Variants in KCND2 observed in about 807,000 individuals in gnomAD.
KCND2 encodes potassium voltage-gated channel subfamily D member 2.
Under a neutral mutation model 54.4 loss-of-function variants are expected in KCND2, and 16 were observed. The ratio of observed to expected loss-of-function variants is 0.29; its 90% CI spans 0.20 to 0.45. The LOEUF (loss-of-function observed/expected upper bound fraction) is 0.45. Ranked by LOEUF, KCND2 falls within the 20% of genes least tolerant of loss-of-function variation. KCND2 has a pLI of 1.00. For synonymous variants in KCND2, 317 were observed against 310.7 expected (o/e 1.02, Z -0.21); for missense variants, 486 against 824.2 (o/e 0.59, Z 5.02).
intron 1 of KCND2, among the ~76,000 whole-genome samples, chr7:120,582,954 ATGTG>A (rs10631536): frequency 0.028 from 4,097 of 147,500 alleles, 169 homozygotes; most frequent in African/African-American, 0.086. Context: ...GTGTGTGTGT[ATGTG>A]TGTGTGTGTG....
rs181302062 is a variant in KCND2 at position 120,500,531 on chromosome 7, C to T, written c.1115+224784C>T. On this transcript the variant is annotated intron_variant, in intron 1 of 5. Coordinates refer to ENST00000331113, the MANE Select transcript of KCND2 (RefSeq NM_012281.3). ...TAGAAATTCCCAGGTATTTGTACTT[C>T]TTTGAAATTCTTCGTAAGACCACTA... Among the ~76,000 whole-genome samples, 535 of 152,102 alleles carry T rather than the reference C, an allele frequency of 3.5e-3. 2 individuals carry two copies. The highest frequency in any genetic ancestry group is 5.0e-3 in the Non-Finnish European group (342 of 67,968).
intron 1 of KCND2, among the ~76,000 whole-genome samples, chr7:120,574,885 A>T (rs1048593487): frequency 1.3e-5 from 2 of 152,074 alleles, no homozygotes; most frequent in African/African-American, 4.8e-5. Context: ...ATTTTTTTCT[A>T]TGTAAACAAT....
chr7:120,405,002 G>A (rs1459542780), intron 1 of KCND2, among the ~76,000 whole-genome samples: 1 of 152,118 alleles, frequency 6.6e-6, no homozygotes, highest in Non-Finnish European at 1.5e-5. Context: ...CTTTGGGAAT[G>A]AATTTAACAA....
chr7:120,659,449 C>A (rs1288120844), intron 1 of KCND2, among the ~76,000 whole-genome samples: 1 of 152,152 alleles, frequency 6.6e-6, no homozygotes, highest in East Asian at 1.9e-4. Flanking sequence ...TCAAAGCCAC[C>A]ATCTGGAAGG....
intron 1 of KCND2, among the ~76,000 whole-genome samples, chr7:120,668,997 A>G (rs527727896): frequency 3.5e-4 from 54 of 152,228 alleles, no homozygotes; most frequent in African/African-American, 1.2e-3. Flanking sequence ...TTAACAGTCT[A>G]TTCTTCATAC....
chr7:120,477,212 A>G (rs1171271984), intron 1 of KCND2, among the ~76,000 whole-genome samples: 7 of 152,200 alleles, frequency 4.6e-5, no homozygotes, highest in Admixed American at 4.6e-4. Flanking sequence ...CTGAGCTTCA[A>G]ATGAAGCACT....
chr7:120,290,241 C>G (rs1365480043), intron 1 of KCND2, among the ~76,000 whole-genome samples: 3 of 152,018 alleles, frequency 2.0e-5, no homozygotes, highest in Admixed American at 6.6e-5. Flanking sequence ...ATAACCCTTT[C>G]TAGCCACTTC....
intron 1 of KCND2, among the ~76,000 whole-genome samples, chr7:120,339,890 C>T (rs1162539035): frequency 6.6e-6 from 1 of 152,108 alleles, no homozygotes; most frequent in Non-Finnish European, 1.5e-5. Context: ...TGGAGGACAA[C>T]ACTCTTAAGG....
At chr7:120,291,091 C>T (rs1799429015) in intron 1 of KCND2, among the ~76,000 whole-genome samples, 1 of 151,832 alleles carries the variant, frequency 6.6e-6, no homozygotes, top group African/African-American at 2.4e-5. Flanking sequence ...CACAAGTAAT[C>T]CATTTATAAA....
chr7:120,582,533 C>A (rs1792530404), intron 1 of KCND2, among the ~76,000 whole-genome samples: 1 of 152,228 alleles, frequency 6.6e-6, no homozygotes, highest in Admixed American at 6.5e-5. Flanking sequence ...TCACACCACA[C>A]CTTAGATTGG....
chr7:120,425,210 T>A (rs1801689644), intron 1 of KCND2, among the ~76,000 whole-genome samples: 1 of 152,240 alleles, frequency 6.6e-6, no homozygotes, highest in South Asian at 2.1e-4. Context: ...TGCAGTAATA[T>A]GGCTCACCCC....
intron 1 of KCND2, among the ~76,000 whole-genome samples, chr7:120,314,929 A>G (rs1269507594): frequency 2.6e-5 from 4 of 152,158 alleles, no homozygotes; most frequent in African/African-American, 9.7e-5. Context: ...TTACTGAAAT[A>G]ATGCATGTTA....
At chr7:120,392,385 C>T (rs1801091779) in intron 1 of KCND2, among the ~76,000 whole-genome samples, 1 of 149,678 alleles carries the variant, frequency 6.7e-6, no homozygotes, top group African/African-American at 2.4e-5. Flanking sequence ...TTAGGATTGT[C>T]TTGGCTATGC....
intron 1 of KCND2, among the ~76,000 whole-genome samples, chr7:120,511,461 C>G (rs1027474242): frequency 2.0e-5 from 3 of 151,900 alleles, no homozygotes; most frequent in African/African-American, 7.3e-5. Context: ...CAGATATTTG[C>G]TGAATGAATA....
At chr7:120,621,106 C>T (rs758660131) in intron 1 of KCND2, among the ~76,000 whole-genome samples, 1 of 151,574 alleles carries the variant, frequency 6.6e-6, no homozygotes, top group Non-Finnish European at 1.5e-5. Context: ...AACCCCATCT[C>T]TACTAAAAAT....
chr7:120,731,045 A>G (rs2116139826), intron 1 of KCND2, among the ~76,000 whole-genome samples: 1 of 152,258 alleles, frequency 6.6e-6, no homozygotes, highest in Non-Finnish European at 1.5e-5. Flanking sequence ...ACAGCTGGGT[A>G]ACTTCGGCAA....
chr7:120,646,158 C>T (rs1464384280), intron 1 of KCND2, among the ~76,000 whole-genome samples: 1 of 152,204 alleles, frequency 6.6e-6, no homozygotes, highest in Non-Finnish European at 1.5e-5. Flanking sequence ...ATTTCCTTCC[C>T]ACAACCATAT....
At chr7:120,351,710 A>G (rs1800409095) in intron 1 of KCND2, among the ~76,000 whole-genome samples, 1 of 152,044 alleles carries the variant, frequency 6.6e-6, no homozygotes, top group Non-Finnish European at 1.5e-5. Flanking sequence ...TGAAAAATAT[A>G]TCTCCTCCAG....
At chr7:120,318,951 T>C (rs1306275630) in intron 1 of KCND2, among the ~76,000 whole-genome samples, 1 of 152,058 alleles carries the variant, frequency 6.6e-6, no homozygotes, top group Non-Finnish European at 1.5e-5. Flanking sequence ...ACTTCAAATA[T>C]TGTAAAGATG....
Sources: allele counts gnomAD v4.1 joint callset (sites outside exome capture counted in the v4.1 genomes callset), GRCh38; gene constraint gnomAD v4.1.1; transcripts MANE v1.5; gene names NCBI Gene and HGNC (gene_info 2026-07-23, HGNC 2026-07-21).